Variants in GRM8 observed in about 807,000 individuals in gnomAD.
The protein encoded by GRM8 is glutamate metabotropic receptor 8, also known as metabotropic glutamate receptor 8.
A neutral mutation model predicts 87.2 loss-of-function variants in GRM8; 47 were observed. The ratio of observed to expected loss-of-function variants is 0.54; its 90% CI spans 0.43 to 0.69. The LOEUF is 0.69. Ranked by LOEUF, GRM8 falls within the 30% of genes least tolerant of loss-of-function variation. The probability of loss-of-function intolerance (pLI) is 0.00; values close to 1 mark genes in which losing one functional copy is unlikely to be tolerated. For synonymous variants in GRM8, 396 were observed against 404.5 expected (o/e 0.98, Z 0.25); for missense variants, 1,019 against 1,139.2 (o/e 0.89, Z 1.52).
intron 3 of GRM8, among the ~76,000 whole-genome samples, chr7:126,941,712 G>A (rs1204736427): frequency 6.6e-6 from 1 of 151,820 alleles, no homozygotes; most frequent in Non-Finnish European, 1.5e-5. Context: ...CAGAAAAATA[G>A]CAAACAAGAT....
chr7:126,911,484 T>A (rs1450046790), intron 3 of GRM8, among the ~76,000 whole-genome samples: 1 of 152,276 alleles, frequency 6.6e-6, no homozygotes, highest in Non-Finnish European at 1.5e-5. Context: ...TGCCAATTGT[T>A]AAGCAAAAGT....
At chr7:126,940,019 G>T (rs531250129) in intron 3 of GRM8, among the ~76,000 whole-genome samples, 16 of 152,300 alleles carry the variant, frequency 1.1e-4, no homozygotes, top group African/African-American at 3.6e-4. Flanking sequence ...GACAATCAGT[G>T]TAATCATTTT....
intron 7 of GRM8, among the ~76,000 whole-genome samples, chr7:126,613,169 A>G (rs1267612659): frequency 6.6e-6 from 1 of 152,198 alleles, no homozygotes; most frequent in Admixed American, 6.5e-5. Context: ...ATCGTTGAGT[A>G]GCCATAAGGA....
intron 10 of GRM8, among the ~76,000 whole-genome samples, chr7:126,439,694 C>T (rs573112461): frequency 6.2e-4 from 94 of 152,018 alleles, no homozygotes; most frequent in Middle Eastern, 3.4e-3. Flanking sequence ...CAGGGGTATT[C>T]CCGAATAAGG....
intron 3 of GRM8, among the ~76,000 whole-genome samples, chr7:126,961,787 T>A (rs1294686424): frequency 6.6e-6 from 1 of 152,236 alleles, no homozygotes; most frequent in Non-Finnish European, 1.5e-5. Flanking sequence ...CTTCACACAT[T>A]TTTTGATTGG....
chr7:126,534,501 C>G (rs1815370372), intron 8 of GRM8, among the ~76,000 whole-genome samples: 1 of 152,132 alleles, frequency 6.6e-6, no homozygotes, highest in African/African-American at 2.4e-5. Flanking sequence ...GTGCAAAACA[C>G]CATGCTGAAT....
intron 3 of GRM8, among the ~76,000 whole-genome samples, chr7:127,015,158 GAGA>G (rs1815442366): frequency 4.3e-5 from 2 of 46,784 alleles, no homozygotes; most frequent in South Asian, 1.5e-3. Flanking sequence ...AAGGAAGAAG[GAGA>G]AGGAGAAGGA....
At chr7:126,605,728 G>T (rs2151088784) in intron 8 of GRM8, among the ~76,000 whole-genome samples, 1 of 152,192 alleles carries the variant, frequency 6.6e-6, no homozygotes, top group Non-Finnish European at 1.5e-5. Flanking sequence ...TGGTTTAATA[G>T]AACAAGAAGA....
At chr7:127,103,448 T>C (rs753792441) in intron 3 of GRM8, among the ~76,000 whole-genome samples, 1 of 152,168 alleles carries the variant, frequency 6.6e-6, no homozygotes, top group Admixed American at 6.5e-5. Flanking sequence ...TCTGCCATGA[T>C]TGTAGGCCTC....
chr7:126,616,427 A>G (rs1052276304), intron 7 of GRM8, among the ~76,000 whole-genome samples: 16 of 152,218 alleles, frequency 1.1e-4, no homozygotes, highest in Admixed American at 1.0e-3. Context: ...AAAGCAGGAC[A>G]GATCTAAAAT....
At chr7:126,886,098 G>A (rs536971040) in intron 6 of GRM8, among the ~76,000 whole-genome samples, 3 of 152,144 alleles carry the variant, frequency 2.0e-5, no homozygotes, top group African/African-American at 7.2e-5. Context: ...TCCAAACAAG[G>A]GCCTCTATTG....
At chr7:126,911,841 A>G (rs185809053) in intron 3 of GRM8, among the ~76,000 whole-genome samples, 19 of 152,326 alleles carry the variant, frequency 1.2e-4, no homozygotes, top group Admixed American at 1.2e-3. Context: ...CATTTTATGT[A>G]TCAGTTTGAC....
At chr7:127,170,416 A>T (rs1011239640) in intron 2 of GRM8, among the ~76,000 whole-genome samples, 25 of 152,236 alleles carry the variant, frequency 1.6e-4, no homozygotes, top group Non-Finnish European at 2.9e-5. Context: ...TAAAACCACT[A>T]TGGAAAATAA....
intron 7 of GRM8, among the ~76,000 whole-genome samples, chr7:126,740,266 A>G (rs181399223): frequency 6.6e-6 from 1 of 152,234 alleles, no homozygotes. Flanking sequence ...ATCAATCACA[A>G]TAGGTACTCC....
chr7:126,976,584 ACT>A (rs1288027973), intron 3 of GRM8, among the ~76,000 whole-genome samples: 1 of 152,172 alleles, frequency 6.6e-6, no homozygotes, highest in Non-Finnish European at 1.5e-5. Context: ...ACAGAGCGAG[ACT>A]CTGTCTCAAA....
intron 6 of GRM8, among the ~76,000 whole-genome samples, chr7:126,845,612 C>T (rs910649823): frequency 6.6e-6 from 1 of 152,032 alleles, no homozygotes; most frequent in Non-Finnish European, 1.5e-5. Context: ...AATCTCATAC[C>T]AATAGCAAGG....
At chr7:126,457,805 TA>T (rs1803423724) in intron 9 of GRM8, among the ~76,000 whole-genome samples, 1 of 147,114 alleles carries the variant, frequency 6.8e-6, no homozygotes, top group Non-Finnish European at 1.5e-5. Context: ...TAAAAGTCAA[TA>T]AAATAGAACA....
rs894907862 is a variant in GRM8, at chr7:126,674,212, T to C, written c.1358-64714A>G. ...TACTAGAGATTTAATAATCCCCAAA[T>C]AGCAACTAAGTAGACTTACAGATGT... On this transcript the variant is annotated intron_variant, in intron 7 of 10. Coordinates refer to ENST00000339582, the MANE Select transcript of GRM8 (RefSeq NM_000845.3). Among the ~76,000 whole-genome samples the C allele has an allele frequency of 7.9e-5, 12 of 152,310 alleles. 1 individual carries two copies. Among genetic ancestry groups the C allele is most frequent in the Admixed American group, 2.0e-4 (3 of 15,302 alleles).
chr7:126,780,174 T>C (rs1224486438), intron 6 of GRM8, among the ~76,000 whole-genome samples: 1 of 152,186 alleles, frequency 6.6e-6, no homozygotes, highest in Non-Finnish European at 1.5e-5. Context: ...AATTTAGTTC[T>C]GTGATTGAGA....
Sources: allele counts gnomAD v4.1 joint callset (sites outside exome capture counted in the v4.1 genomes callset), GRCh38; gene constraint gnomAD v4.1.1; transcripts MANE v1.5; gene names NCBI Gene and HGNC (gene_info 2026-07-23, HGNC 2026-07-21).